PCNX3: variants seen among roughly 807,000 people sequenced by gnomAD.
The protein encoded by PCNX3 is pecanex-like protein 3.
A neutral mutation model predicts 207.2 loss-of-function variants in PCNX3; 58 were observed. That is an observed-to-expected ratio of 0.28 (90% CI 0.23 to 0.35). The LOEUF (loss-of-function observed/expected upper bound fraction) is 0.35. PCNX3 is among the 10% of genes least tolerant of loss of function. PCNX3 has a pLI of 1.00. For synonymous variants in PCNX3, 1,337 were observed against 1,183.5 expected (o/e 1.13, Z -2.66); for missense variants, 2,410 against 2,774.4 (o/e 0.87, Z 2.95).
chr11:65,628,777 T>TGGGGGGGGGGGGGGGGGGGGCG, intron 23 of PCNX3, 42 bp from the exon 24 acceptor site: 1 of 1,490,462 alleles, frequency 6.7e-7, no homozygotes, highest in East Asian at 2.7e-5. Flanking sequence ...GGTGGGGGGC[T>TGGGGGGGGGGGGGGGGGGGGCG]GGGAGGTCCT....
Position 65,628,624 on chromosome 11 carries a change from C to T in PCNX3, c.3732C>T (p.Phe1244=), listed in dbSNP as rs781719158. 18 of 1,613,530 alleles carry T rather than the reference C, an allele frequency of 1.1e-5. No individual in the cohort carries two copies. The highest frequency in any genetic ancestry group is 5.3e-5 in the African/African-American group (4 of 74,934). Residue 1244 remains phenylalanine (F), a synonymous_variant, in exon 23 of 35, where the codon TTC becomes TTT. Coordinates refer to ENST00000355703, the MANE Select transcript of PCNX3 (RefSeq NM_032223.4). ...GGGACTTGCTGTACAAGCTGCGTTT[C>T]GTGCTGACCTACATCGCGCCCTGGC... is the stretch of plus-strand genomic sequence containing the variant. ...KLWDLLYKLR[F]VLTYIAPWQI... is the part of the protein sequence containing the mutation.
intron 11 of PCNX3, among the ~76,000 whole-genome samples, chr11:65,623,188 G>A (rs548566603): frequency 2.6e-4 from 40 of 152,368 alleles, no homozygotes; most frequent in African/African-American, 8.7e-4. Context: ...ATGTAGCCAC[G>A]TGCAGTTAAC....
intron 6 of PCNX3, 105 bp from the exon 7 acceptor site, chr11:65,619,432 T>C (rs1854950786): frequency 2.7e-6 from 4 of 1,498,294 alleles, no homozygotes; most frequent in Admixed American, 2.1e-5. Context: ...CGGGGCGTGG[T>C]TGTACTAGGC....
chr11:65,632,510 C>T (rs1460873062), intron 27 of PCNX3, among the ~76,000 whole-genome samples: 1 of 141,610 alleles, frequency 7.1e-6, no homozygotes, highest in Non-Finnish European at 1.5e-5. Flanking sequence ...GAAAAGGCAC[C>T]GTGGCTTGAG....
chr11:65,616,272 G>A lies in PCNX3; in HGVS notation c.-40G>A. The A allele has an allele frequency of 6.7e-7, 1 of 1,500,222 alleles. No homozygotes were observed. The highest frequency in any genetic ancestry group is 8.9e-7 in the Non-Finnish European group (1 of 1,127,684). The allele number at this position is 1,500,222 out of a possible 1,614,324, so 92.9% of individuals were successfully genotyped here. On this transcript the variant is annotated 5_prime_UTR_variant, in exon 1 of 35. Transcript: ENST00000355703. ...CATGGGCCGGGGGCCGCCCCCATGA[G>A]GGTCCCGGGAGGGGGGGCGCGGGCA...
chr11:65,618,051 G>A lies in PCNX3; in HGVS notation c.689G>A (p.Ser230Asn). The change falls in exon 6 of 35, where the codon AGC becomes AAC. Residue 230 changes from serine (S) to asparagine (N), a missense_variant. Physicochemically the swap from Ser to Asn is conservative, Grantham distance 46. Around this residue, in one of 8 missense-constraint regions of PCNX3, gnomAD observed 1,104 missense variants for 970.3 expected, o/e 1.14. Coordinates refer to ENST00000355703, the MANE Select transcript of PCNX3 (RefSeq NM_032223.4). ...LAGDGAPWSG[S>N]SMADTPMSPL... ...GGAGATGGAGCGCCCTGGAGTGGGA[G>A]CAGCATGGCTGACACTCCCATGAGC... 2 of 1,606,656 alleles carry A rather than the reference G, an allele frequency of 1.2e-6. No homozygotes were observed. The highest frequency in any genetic ancestry group is 1.7e-6 in the Non-Finnish European group (2 of 1,177,090).
At chr11:65,623,227 C>T (rs902367332) in intron 11 of PCNX3, among the ~76,000 whole-genome samples, 3 of 152,212 alleles carry the variant, frequency 2.0e-5, no homozygotes, top group African/African-American at 4.8e-5. Flanking sequence ...GGATGAATCC[C>T]GGGAGTAATG....
intron 26 of PCNX3, among the ~76,000 whole-genome samples, chr11:65,630,058 G>A (rs985742276): frequency 1.3e-5 from 2 of 152,216 alleles, no homozygotes; most frequent in Non-Finnish European, 1.5e-5. Context: ...TGGGTTGGGC[G>A]CCATGAGTGA....
chr11:65,619,522 CCT>C lies in PCNX3; in HGVS notation c.1706-8_1706-7del, dbSNP rs746937072. On this transcript the variant is annotated splice_polypyrimidine_tract_variant and intron_variant, in intron 6 of 34. Transcript: ENST00000355703. The stretch of plus-strand genomic sequence containing the variant: ...AGCATCTGTCACTTACACTTGGGGG[CCT>C]CTCTCTGGGCAGCGGCCGAGGAGAC... 8.1e-6 allele frequency: 13 copies of C among 1,610,496 alleles called. 1 individual carries two copies. In the South Asian group the frequency reaches 9.9e-5, roughly 12 times the overall value.
In PCNX3 at chr11:65,634,549, G is replaced by C. The variant is rs1855747571; in HGVS notation, c.4713G>C (p.Gln1571His). The change falls in exon 29 of 35, where the codon CAG (glutamine) becomes CAC (histidine). Residue 1571 changes from glutamine (Q) to histidine (H), a missense_variant. Coordinates refer to ENST00000355703, the MANE Select transcript of PCNX3 (RefSeq NM_032223.4). Reference protein sequence around the residue: ...CASRRSQPVDQDWNSPLVTLC... With the variant: ...CASRRSQPVDHDWNSPLVTLC... ...TCCTTATGCCACAGCCCGTGGACCAGGATTGGAACTCCCCGCTGGTCACGC... is the reference window on the plus strand; with the variant it reads ...TCCTTATGCCACAGCCCGTGGACCACGATTGGAACTCCCCGCTGGTCACGC... The C allele has an allele frequency of 6.3e-7, 1 of 1,597,750 alleles. No homozygotes were observed. The highest frequency in any genetic ancestry group is 8.5e-7 in the Non-Finnish European group (1 of 1,175,226).
chr11:65,618,659 G>A lies in PCNX3; in HGVS notation c.1297G>A (p.Ala433Thr). 1 of 1,613,184 alleles carries A rather than the reference G, an allele frequency of 6.2e-7. No individual in the cohort carries two copies. The highest frequency in any genetic ancestry group is 8.5e-7 in the Non-Finnish European group (1 of 1,179,828). ...DTSEGSELSP[A>T]SSLRSQRRYS... ...TAGTGAGGGCAGTGAACTGAGCCCG[G>A]CCTCCAGTCTCCGATCGCAGCGCCG... The change falls in exon 6 of 35, where the codon GCC becomes ACC. Residue 433 changes from alanine (A) to threonine (T), a missense_variant. Transcript: ENST00000355703.
intron 6 of PCNX3, 94 bp from the exon 7 acceptor site, chr11:65,619,443 C>T (rs1258879476): frequency 4.6e-6 from 7 of 1,527,776 alleles, no homozygotes; most frequent in South Asian, 1.2e-5. Flanking sequence ...TGTACTAGGC[C>T]TTTAGCTCCC....
In PCNX3 at chr11:65,637,304, G is replaced by T; in HGVS notation, c.*326G>T. The T allele has an allele frequency of 3.0e-6, 1 of 331,386 alleles. No homozygotes were observed. Among genetic ancestry groups the T allele is most frequent in the Non-Finnish European group, 5.5e-6 (1 of 180,578 alleles). The allele number at this position is 331,386 out of a possible 1,614,324, so 20.5% of individuals were successfully genotyped here. ...CCCTGGGCCTGCACTGCCTGCAGGT[G>T]TGGCCCCCTTGGCCTGGACCTGGGG... On this transcript the variant is annotated 3_prime_UTR_variant, in exon 35 of 35. Coordinates refer to ENST00000355703, the MANE Select transcript of PCNX3 (RefSeq NM_032223.4).
Position 65,627,007 on chromosome 11 carries a change from C to A in PCNX3, c.3483C>A (p.Asp1161Glu). ...PAVVLNALTVDAHTVVSHPDK... is the reference protein window; with the variant it reads ...PAVVLNALTVEAHTVVSHPDK... Reference sequence around the variant, plus strand: ...TGGTGCTCAACGCCCTCACGGTGGACGCCCACACAGTCGTCAGCCACCCGG... The same window carrying A: ...TGGTGCTCAACGCCCTCACGGTGGAAGCCCACACAGTCGTCAGCCACCCGG... The change falls in exon 21 of 35, where the codon GAC becomes GAA. Residue 1161 changes from aspartate to glutamate, a missense_variant. Physicochemically the swap from Asp to Glu is conservative, Grantham distance 45 (BLOSUM62 2). Transcript: ENST00000355703. 1 of 1,543,952 alleles carries A rather than the reference C, an allele frequency of 6.5e-7. No homozygotes were observed. Among genetic ancestry groups the A allele is most frequent in the Non-Finnish European group, 8.7e-7 (1 of 1,143,324 alleles).
rs1237766522 is a variant in PCNX3, at chr11:65,619,625, C to T, written c.1794C>T (p.Pro598=). ...IRRRHNAGSN[P]TPPASVMGSP... ...GACGCCACAATGCAGGCAGCAACCC[C>T]ACCCCTCCAGCCTCTGTCATGGGCT... is the stretch of plus-strand genomic sequence containing the variant. Residue 598 remains proline (P), a synonymous_variant, in exon 7 of 35, where the codon CCC becomes CCT. Transcript: ENST00000355703. 3 of 1,603,122 alleles carry T rather than the reference C, an allele frequency of 1.9e-6. No individual in the cohort carries two copies. The South Asian group carries it at 3.3e-5, about 18-fold the overall frequency.
Position 65,625,813 on chromosome 11 carries a change from G to T in PCNX3, c.3228+69G>T. 6.3e-7 allele frequency: 1 copy of T among 1,596,500 alleles called. No individual in the cohort carries two copies. ...GGAGCCTGCTCAATCTGAGTGCCGT[G>T]GGCAGCCCCTCCCCGGCCTGTGCCA... On this transcript the variant is annotated intron_variant, in intron 19 of 34. Coordinates refer to ENST00000355703, the MANE Select transcript of PCNX3 (RefSeq NM_032223.4). The surrounding 1 kb of genome is among the most constrained non-coding windows in gnomAD (Gnocchi z 5.6).
chr11:65,623,686 TC>T, intron 12 of PCNX3, 42 bp downstream of exon 12: 1 of 1,597,714 alleles, frequency 6.3e-7, no homozygotes, highest in Non-Finnish European at 8.5e-7. Flanking sequence ...ACCCGACTTT[TC>T]CCAAGATTGC....
At chr11:65,620,302 T>G (rs1054488971) in intron 8 of PCNX3, 37 bp from the exon 9 acceptor site, 17 of 1,586,428 alleles carry the variant, frequency 1.1e-5, no homozygotes, top group African/African-American at 4.0e-5. Flanking sequence ...TGCTTCTGTC[T>G]CTGCCACGCT....
At position 65,616,072 on chromosome 11, in the gene PCNX3, G is replaced by A. The variant is rs1411214014; in HGVS notation, c.-240G>A. ...AATTCTGGGCCAGGAGTGGGGACCC[G>A]GACCCCGCCCCTGATGCAGCCCCAC... On this transcript the variant is annotated 5_prime_UTR_variant, in exon 1 of 35. Coordinates refer to ENST00000355703, the MANE Select transcript of PCNX3 (RefSeq NM_032223.4). 1.3e-5 allele frequency: 4 copies of A among 318,878 alleles called. No individual in the cohort carries two copies. Among genetic ancestry groups the A allele is most frequent in the Non-Finnish European group, 2.3e-5 (4 of 176,166 alleles). The allele number at this position is 318,878 out of a possible 1,614,324, so 19.8% of individuals were successfully genotyped here.
Sources: allele counts gnomAD v4.1 joint callset (sites outside exome capture counted in the v4.1 genomes callset), GRCh38; gene constraint gnomAD v4.1.1; regional missense constraint gnomAD v4.1.1; non-coding constraint Gnocchi (gnomAD v3.1); transcripts MANE v1.5; gene names NCBI Gene and HGNC (gene_info 2026-07-23, HGNC 2026-07-21).